Variants in AGK observed in about 807,000 individuals in gnomAD.
The protein encoded by AGK is acylglycerol kinase, mitochondrial.
A neutral mutation model predicts 66.4 loss-of-function variants in AGK; 52 were observed. That is an observed-to-expected ratio of 0.78 (90% CI 0.63 to 0.99). The LOEUF is 0.99. Among genes scored for constraint, AGK ranks in the 50% least tolerant of loss-of-function variants. The pLI is 0.00. For missense variants in AGK, 451 were observed against 506.6 expected (o/e 0.89, Z 1.05); for synonymous variants, 182 against 181.1 (o/e 1.00, Z -0.04).
chr7:141,612,090 G>T (rs527461661), intron 6 of AGK, among the ~76,000 whole-genome samples: 1 of 152,142 alleles, frequency 6.6e-6, no homozygotes, highest in Non-Finnish European at 1.5e-5. Flanking sequence ...CCTTTAGTAG[G>T]TGAATGAATA....
intron 14 of AGK, among the ~76,000 whole-genome samples, chr7:141,649,620 G>T (rs1797506291): frequency 6.6e-6 from 1 of 152,186 alleles, no homozygotes; most frequent in Non-Finnish European, 1.5e-5. Flanking sequence ...TGGTTTCAGG[G>T]TCAAAGAGCT....
chr7:141,578,167 A>G lies in AGK; in HGVS notation c.102-14979A>G, dbSNP rs963480989. 2.8e-3 allele frequency among the ~76,000 whole-genome samples: 426 copies of G among 151,636 alleles called. 4 individuals carry two copies. Among genetic ancestry groups the G allele is most frequent in the African/African-American group, 0.01 (415 of 40,954 alleles). ...ACCTGGGTGCAGGCGGGCTGAGTCCAAAAAGAGAGTCAGCGAAGGGAGATG... is the reference window on the plus strand; with the variant it reads ...ACCTGGGTGCAGGCGGGCTGAGTCCGAAAAGAGAGTCAGCGAAGGGAGATG... On this transcript the variant is annotated intron_variant, in intron 2 of 15. Coordinates refer to ENST00000649286, the MANE Select transcript of AGK (RefSeq NM_018238.4).
intron 12 of AGK, 31 bp from the exon 13 acceptor site, chr7:141,641,780 A>T: frequency 6.5e-7 from 1 of 1,545,306 alleles, no homozygotes; most frequent in Middle Eastern, 1.9e-4. Flanking sequence ...TTAATGGAAG[A>T]AACTGACCTG....
chr7:141,645,842 T>C lies in AGK; in HGVS notation c.976-3421T>C, dbSNP rs531113777. Among the ~76,000 whole-genome samples the C allele has an allele frequency of 1.2e-4, 18 of 152,338 alleles. No homozygotes were observed. In the South Asian group the frequency reaches 3.5e-3, roughly 30 times the overall value. ...TAATCTGTCAAAGCAATAAAATGAATTGATTTTTGAATGTTAATGTGAGAC... is the reference window on the plus strand; with the variant it reads ...TAATCTGTCAAAGCAATAAAATGAACTGATTTTTGAATGTTAATGTGAGAC... On this transcript the variant is annotated intron_variant, in intron 13 of 15. Coordinates refer to ENST00000649286, the MANE Select transcript of AGK (RefSeq NM_018238.4).
chr7:141,627,922 C>T (rs1380191214), intron 9 of AGK, among the ~76,000 whole-genome samples: 2 of 152,208 alleles, frequency 1.3e-5, no homozygotes, highest in African/African-American at 4.8e-5. Flanking sequence ...CACTCTGTCA[C>T]CCAGGCTGAA....
At chr7:141,572,217 G>T (rs1230034088) in intron 2 of AGK, among the ~76,000 whole-genome samples, 1 of 152,210 alleles carries the variant, frequency 6.6e-6, no homozygotes, top group Admixed American at 6.5e-5. Context: ...GAAGTTTCAT[G>T]CAGCACACCT....
intron 6 of AGK, among the ~76,000 whole-genome samples, chr7:141,612,850 G>A (rs796311799): frequency 4.6e-5 from 7 of 152,256 alleles, no homozygotes; most frequent in African/African-American, 1.7e-4. Context: ...GCCCAGTGCA[G>A]GTGATCCCAC....
chr7:141,593,386 C>T lies in AGK; in HGVS notation c.141+201C>T, dbSNP rs183937860. 7.7e-4 allele frequency: 544 copies of T among 704,646 alleles called. 2 individuals carry two copies. Among genetic ancestry groups the T allele is most frequent in the African/African-American group, 7.3e-3 (419 of 57,368 alleles). The allele number at this position is 704,646 out of a possible 1,614,324, so 43.6% of individuals were successfully genotyped here. On this transcript the variant is annotated intron_variant, in intron 3 of 15. Coordinates refer to ENST00000649286, the MANE Select transcript of AGK (RefSeq NM_018238.4). Reference sequence around the variant, plus strand: ...ACCATCTGGTGAAGAGCAGTTCTGACGCCCACCCCTATAGACTGTTTGTTT... The same window carrying T: ...ACCATCTGGTGAAGAGCAGTTCTGATGCCCACCCCTATAGACTGTTTGTTT...
At chr7:141,620,073 G>A (rs1034280194) in intron 8 of AGK, among the ~76,000 whole-genome samples, 9 of 152,072 alleles carry the variant, frequency 5.9e-5, no homozygotes, top group African/African-American at 1.9e-4. Context: ...GAAAAAAACT[G>A]AACTGGAAAG....
Position 141,652,896 on chromosome 7 carries a change from A to T in AGK, c.1241A>T (p.Glu414Val). The change falls in exon 16 of 16, where the codon GAA (glutamate) becomes GTA (valine). Residue 414 changes from glutamate to valine, a missense_variant. Physicochemically the swap from Glu to Val is moderately radical, Grantham distance 121. Coordinates refer to ENST00000649286, the MANE Select transcript of AGK (RefSeq NM_018238.4). The part of the protein sequence containing the change: ...LQFFCDPRKR[E>V]QMLTSPTQ ...TTCTTCTGTGATCCTAGGAAGAGAG[A>T]ACAGATGCTCACAAGCCCCACCCAG... The T allele has an allele frequency of 1.2e-6, 2 of 1,613,982 alleles. No homozygotes were observed. Among genetic ancestry groups the T allele is most frequent in the Middle Eastern group, 1.6e-4 (1 of 6,062 alleles).
chr7:141,594,574 C>T (rs1562967846), intron 3 of AGK, among the ~76,000 whole-genome samples: 1 of 152,164 alleles, frequency 6.6e-6, no homozygotes, highest in Non-Finnish European at 1.5e-5. Context: ...GCCTCCACCT[C>T]TGTTCTAAAT....
At chr7:141,570,706 C>T (rs549698395) in intron 2 of AGK, among the ~76,000 whole-genome samples, 1 of 149,568 alleles carries the variant, frequency 6.7e-6, no homozygotes, top group Non-Finnish European at 1.5e-5. Context: ...TATTGCAGTA[C>T]CTTACTCCAA....
At chr7:141,628,722 C>T (rs116336800) in intron 9 of AGK, among the ~76,000 whole-genome samples, 1,641 of 152,282 alleles carry the variant, frequency 0.011, 23 homozygotes, top group African/African-American at 0.037. Flanking sequence ...TTGATTATGA[C>T]GAGTTGTGCT....
At chr7:141,573,933 G>A (rs763493228) in intron 2 of AGK, among the ~76,000 whole-genome samples, 2 of 151,812 alleles carry the variant, frequency 1.3e-5, no homozygotes, top group Non-Finnish European at 2.9e-5. Flanking sequence ...CCATTAACTC[G>A]TCATTTACTC....
intron 15 of AGK, 93 bp from the exon 16 acceptor site, chr7:141,652,694 C>A: frequency 7.3e-7 from 1 of 1,367,646 alleles, no homozygotes; most frequent in Non-Finnish European, 1.0e-6. Context: ...TGTTGTTTTC[C>A]ATAATGAACT....
At chr7:141,557,516 TC>T (rs1365950862) in intron 2 of AGK, among the ~76,000 whole-genome samples, 1 of 152,222 alleles carries the variant, frequency 6.6e-6, no homozygotes, top group Non-Finnish European at 1.5e-5. Context: ...TACTGCTGTT[TC>T]TACGACTAGG....
At chr7:141,636,294 G>T (rs1198615268) in intron 10 of AGK, among the ~76,000 whole-genome samples, 1 of 152,210 alleles carries the variant, frequency 6.6e-6, no homozygotes, top group East Asian at 1.9e-4. Flanking sequence ...ATCAGAGCAT[G>T]CAGTGTTTGC....
At chr7:141,649,030 A>G (rs1264007262) in intron 13 of AGK, 1 of 240,962 alleles carries the variant, frequency 4.2e-6, no homozygotes, top group Non-Finnish European at 7.8e-6. Context: ...CTTATGTAGT[A>G]AAAAAAAAAG....
At chr7:141,602,712 A>T (rs1242964867) in intron 5 of AGK, among the ~76,000 whole-genome samples, 2 of 151,812 alleles carry the variant, frequency 1.3e-5, no homozygotes, top group Non-Finnish European at 2.9e-5. Flanking sequence ...TCTACTTTTT[A>T]AAAAAATTTT....
Sources: allele counts gnomAD v4.1 joint callset (sites outside exome capture counted in the v4.1 genomes callset), GRCh38; gene constraint gnomAD v4.1.1; transcripts MANE v1.5; gene names NCBI Gene and HGNC (gene_info 2026-07-23, HGNC 2026-07-21).